Variants in RNF13 observed in about 807,000 individuals in gnomAD.
RNF13 encodes E3 ubiquitin-protein ligase RNF13.
A neutral mutation model predicts 37.7 loss-of-function variants in RNF13; 19 were observed. The observed-to-expected ratio is 0.50, with a 90% CI of 0.35 to 0.74. The LOEUF is 0.74. RNF13 is among the 30% of genes least tolerant of loss of function. RNF13 has a pLI of 0.01. For missense variants in RNF13, 375 were observed against 453.0 expected, an observed-to-expected ratio of 0.83 and a Z score of 1.56; for synonymous variants, 144 against 157.8, an observed-to-expected ratio of 0.91 and a Z score of 0.65.
chr3:149,912,165 CA>C (rs1162652528), intron 7 of RNF13, 82 bp downstream of exon 7: 2 of 693,986 alleles, frequency 2.9e-6, no homozygotes, highest in African/African-American at 3.6e-5. Flanking sequence ...AGAATTTAAA[CA>C]ATGTGTACAT....
intron 3 of RNF13, among the ~76,000 whole-genome samples, chr3:149,862,684 G>A (rs1724389162): frequency 6.6e-6 from 1 of 152,012 alleles, no homozygotes; most frequent in Non-Finnish European, 1.5e-5. Flanking sequence ...TTTGCTGGTA[G>A]ATGCCAGTTT....
At chr3:149,926,206 TG>T (rs945608474) in intron 8 of RNF13, among the ~76,000 whole-genome samples, 2 of 152,198 alleles carry the variant, frequency 1.3e-5, no homozygotes, top group African/African-American at 4.8e-5. Flanking sequence ...ATTTTTGTTT[TG>T]TTTTGTCTTG....
At chr3:149,892,528 C>A (rs1714819522) in intron 4 of RNF13, among the ~76,000 whole-genome samples, 1 of 152,180 alleles carries the variant, frequency 6.6e-6, no homozygotes, top group Admixed American at 6.5e-5. Context: ...CCCAAGCCCC[C>A]AGCCGTGGTC....
chr3:149,872,401 T>G (rs1712172752), intron 4 of RNF13, among the ~76,000 whole-genome samples: 1 of 152,238 alleles, frequency 6.6e-6, no homozygotes, highest in African/African-American at 2.4e-5. Flanking sequence ...AAAACTTAAC[T>G]TCAGCCTTTA....
At chr3:149,939,818 G>A in intron 8 of RNF13, 1 of 550,056 alleles carries the variant, frequency 1.8e-6, no homozygotes, top group South Asian at 1.4e-5. Flanking sequence ...CACGCACTTA[G>A]GTGGGAGAGA....
intron 3 of RNF13, among the ~76,000 whole-genome samples, chr3:149,858,528 A>C (rs761988671): frequency 3.9e-5 from 6 of 152,238 alleles, no homozygotes; most frequent in Non-Finnish European, 8.8e-5. Flanking sequence ...CAAGTGTCAG[A>C]TTACCTGAGT....
At chr3:149,851,212 T>C (rs1723090411) in intron 2 of RNF13, 1 of 152,258 alleles carries the variant, frequency 6.6e-6, no homozygotes. Flanking sequence ...CCAGTCTTCC[T>C]GTATGCTGCA....
At chr3:149,908,630 A>G (rs1347320615) in intron 6 of RNF13, among the ~76,000 whole-genome samples, 1 of 152,186 alleles carries the variant, frequency 6.6e-6, no homozygotes, top group Non-Finnish European at 1.5e-5. Flanking sequence ...GAGCAAGTTC[A>G]AGGAAGTAGT....
chr3:149,815,957 A>G (rs758621173), intron 1 of RNF13, among the ~76,000 whole-genome samples: 3 of 151,980 alleles, frequency 2.0e-5, no homozygotes, highest in Admixed American at 6.6e-5. Context: ...GGCTGGAGCA[A>G]TTATGGCTCA....
rs991165339 is a variant in RNF13 at position 149,848,459 on chromosome 3, G to A, written c.114+2319G>A. Among the ~76,000 whole-genome samples the A allele has an allele frequency of 5.9e-5, 9 of 152,182 alleles. No individual in the cohort carries two copies. In the East Asian group the frequency reaches 9.6e-4, roughly 16 times the overall value. ...AACTAAAAATTGAGACAGAGGAACT[G>A]GATGTGTGACAATCATTCAAAGGAA... On this transcript the variant is annotated intron_variant, in intron 2 of 9. Coordinates refer to ENST00000392894, the MANE Select transcript of RNF13 (RefSeq NM_183381.3).
intron 8 of RNF13, among the ~76,000 whole-genome samples, chr3:149,922,328 A>G (rs1208518842): frequency 1.3e-5 from 2 of 152,182 alleles, no homozygotes; most frequent in Non-Finnish European, 2.9e-5. Flanking sequence ...CCCTACCATA[A>G]ACTATGCCTA....
At chr3:149,917,062 G>A (rs993603214) in intron 7 of RNF13, among the ~76,000 whole-genome samples, 1 of 151,900 alleles carries the variant, frequency 6.6e-6, no homozygotes, top group Non-Finnish European at 1.5e-5. Context: ...CATATGAAGG[G>A]GGAACTCTAG....
At position 149,960,818 on chromosome 3, in the gene RNF13, C is replaced by A; in HGVS notation, c.860C>A (p.Pro287His). The A allele has an allele frequency of 6.2e-7, 1 of 1,614,144 alleles. No individual in the cohort carries two copies. ...CCAGTGTGCAAGCAAAAAGTTGTTC[C>A]TTCTCAAGGCGATTCAGACTCTGAC... Reference protein sequence around the residue: ...TCPVCKQKVVPSQGDSDSDTD... With the variant: ...TCPVCKQKVVHSQGDSDSDTD... Residue 287 changes from proline to histidine, a missense_variant, in exon 10 of 10, where the codon CCT becomes CAT. By Grantham distance (77) the Pro-to-His change is moderately conservative. Coordinates refer to ENST00000392894, the MANE Select transcript of RNF13 (RefSeq NM_183381.3).
At chr3:149,891,642 T>C (rs1453984348) in intron 4 of RNF13, among the ~76,000 whole-genome samples, 4 of 152,252 alleles carry the variant, frequency 2.6e-5, no homozygotes, top group African/African-American at 9.6e-5. Context: ...ATAGCTCTGA[T>C]CAGTCTCCTT....
rs1271162589 is a variant in RNF13, at chr3:149,846,095, C to G, written c.69C>G (p.Leu23=). 6.2e-7 allele frequency: 1 copy of G among 1,613,330 alleles called. No homozygotes were observed. The highest frequency in any genetic ancestry group is 1.7e-5 in the Admixed American group (1 of 59,994). The part of the protein sequence containing the change: ...TQVYTILTVQ[L]FAFLNLLPVE... Reference sequence around the variant, plus strand: ...TCTACACCATCTTGACTGTCCAGCTCTTTGCATTCTTAAACCTACTGCCTG... The same window carrying G: ...TCTACACCATCTTGACTGTCCAGCTGTTTGCATTCTTAAACCTACTGCCTG... The change falls in exon 2 of 10, where the codon CTC becomes CTG. Residue 23 remains leucine, a synonymous_variant. Coordinates refer to ENST00000392894, the MANE Select transcript of RNF13 (RefSeq NM_183381.3).
At chr3:149,845,434 G>A (rs912570765) in intron 1 of RNF13, among the ~76,000 whole-genome samples, 2 of 152,134 alleles carry the variant, frequency 1.3e-5, no homozygotes, top group Non-Finnish European at 2.9e-5. Flanking sequence ...AGGTAGTTAT[G>A]CTGTTGCCAT....
chr3:149,865,659 T>C (rs111498672), intron 3 of RNF13, among the ~76,000 whole-genome samples: 159 of 152,250 alleles, frequency 1.0e-3, no homozygotes, highest in African/African-American at 3.6e-3. Flanking sequence ...ATTTTTGTAA[T>C]TTTGTATTTT....
chr3:149,894,321 A>G (rs1223332842), intron 4 of RNF13, among the ~76,000 whole-genome samples: 2 of 152,174 alleles, frequency 1.3e-5, no homozygotes, highest in Non-Finnish European at 2.9e-5. Flanking sequence ...GGGATTGAAT[A>G]TGTAGACCTC....
intron 8 of RNF13, among the ~76,000 whole-genome samples, chr3:149,921,465 C>T (rs937551030): frequency 6.6e-6 from 1 of 152,154 alleles, no homozygotes; most frequent in Non-Finnish European, 1.5e-5. Flanking sequence ...CTCCACCCCC[C>T]AACAGGCCCT....
Sources: gnomAD v4.1 joint callset for allele counts (sites outside exome capture counted in the v4.1 genomes callset) on GRCh38, gnomAD v4.1.1 for gene constraint, MANE v1.5 for transcripts, NCBI Gene and HGNC (gene_info 2026-07-23, HGNC 2026-07-21) for gene names.